Variants in CAMK1G observed in about 807,000 individuals in gnomAD.
CAMK1G encodes calcium/calmodulin-dependent protein kinase type 1G.
Under a neutral mutation model 54.8 loss-of-function variants are expected in CAMK1G, and 27 were observed. The observed-to-expected ratio is 0.49, with a 90% CI of 0.36 to 0.68. The LOEUF (loss-of-function observed/expected upper bound fraction) is 0.68, where lower values mean the gene tolerates loss of function less well. CAMK1G is among the 30% of genes least tolerant of loss of function. The pLI is 0.00. For synonymous variants in CAMK1G, 238 were observed against 224.9 expected (o/e 1.06, Z -0.52); for missense variants, 512 against 591.0 (o/e 0.87, Z 1.39).
Position 209,612,038 on chromosome 1 carries a change from T to TC in CAMK1G, c.1165dup (p.Leu389ProfsTer48). The TC allele has an allele frequency of 6.2e-7, 1 of 1,614,146 alleles. No individual in the cohort carries two copies. Among genetic ancestry groups the TC allele is most frequent in the Non-Finnish European group, 8.5e-7 (1 of 1,180,036 alleles). ...CCGGCCCACTGCCCCTGGTGGCAGGTCCCTCAACTGCCTGGTCAATGGCTC... is the reference window on the plus strand; with the variant it reads ...CCGGCCCACTGCCCCTGGTGGCAGGTCCCCTCAACTGCCTGGTCAATGGCTC... On this transcript the variant is annotated frameshift_variant, in exon 11 of 13. Coordinates refer to ENST00000361322, the MANE Select transcript of CAMK1G (RefSeq NM_020439.3). LOFTEE classifies it high-confidence loss of function.
rs1263146923 is a variant in CAMK1G, at chr1:209,594,833, C to T, written c.-29-122C>T. 5 of 608,478 alleles carry T rather than the reference C, an allele frequency of 8.2e-6. No individual in the cohort carries two copies. The South Asian group carries it at 1.1e-4, about 13-fold the overall frequency. The allele number at this position is 608,478 out of a possible 1,614,324, so 37.7% of individuals were successfully genotyped here. On this transcript the variant is annotated intron_variant, in intron 1 of 12. Coordinates refer to ENST00000361322, the MANE Select transcript of CAMK1G (RefSeq NM_020439.3). ...CTTTTTCCAGTTATCCAGGTTTGCT[C>T]CTAATCCTTCCTTCTGATAATTACA...
At chr1:209,589,712 G>A (rs1665197605) in intron 1 of CAMK1G, among the ~76,000 whole-genome samples, 1 of 152,118 alleles carries the variant, frequency 6.6e-6, no homozygotes, top group Non-Finnish European at 1.5e-5. Context: ...AGACTGGCCT[G>A]CATTCTTAGC....
intron 7 of CAMK1G, among the ~76,000 whole-genome samples, chr1:209,608,384 C>T (rs534991070): frequency 1.3e-5 from 2 of 152,292 alleles, no homozygotes; most frequent in South Asian, 2.1e-4. Context: ...TTCCTTTTCG[C>T]TCCTCTCCAC....
rs564514198 is a variant in CAMK1G, at chr1:209,606,530, C to T, written c.559+87C>T. ...TCATAGAAAGGGGTGATTCTGAGAA[C>T]ATAGGGTTCAACTTCAGGGGCTATC... On this transcript the variant is annotated intron_variant, in intron 6 of 12. Coordinates refer to ENST00000361322, the MANE Select transcript of CAMK1G (RefSeq NM_020439.3). 462 of 1,468,394 alleles carry T rather than the reference C, an allele frequency of 3.1e-4. 1 individual carries two copies. The African/African-American group carries it at 5.9e-3, about 19-fold the overall frequency. The allele number at this position is 1,468,394 out of a possible 1,614,324, so 91.0% of individuals were successfully genotyped here. A position where few individuals can be genotyped will look rare whatever the true frequency, so the allele number is the denominator to read the frequency against.
chr1:209,593,945 C>G (rs556923721), intron 1 of CAMK1G, among the ~76,000 whole-genome samples: 1 of 152,202 alleles, frequency 6.6e-6, no homozygotes, highest in African/African-American at 2.4e-5. Flanking sequence ...CACCACCCCC[C>G]ACCATACGGA....
chr1:209,584,460 G>A (rs945249481), intron 1 of CAMK1G, among the ~76,000 whole-genome samples: 1 of 152,012 alleles, frequency 6.6e-6, no homozygotes, highest in Non-Finnish European at 1.5e-5. Flanking sequence ...CCTTCCCCAG[G>A]GGCGCGTCTA....
At chr1:209,595,353 C>T (rs1358739799) in intron 2 of CAMK1G, among the ~76,000 whole-genome samples, 2 of 152,070 alleles carry the variant, frequency 1.3e-5, no homozygotes, top group African/African-American at 2.4e-5. Context: ...ACCCAGGAGG[C>T]GGAGGTTGCA....
intron 2 of CAMK1G, among the ~76,000 whole-genome samples, chr1:209,595,293 T>C (rs1402032055): frequency 6.6e-6 from 1 of 152,056 alleles, no homozygotes; most frequent in Non-Finnish European, 1.5e-5. Context: ...ATTTAATACA[T>C]TGGATGTAGT....
intron 9 of CAMK1G, among the ~76,000 whole-genome samples, chr1:209,610,666 G>T (rs1019626693): frequency 6.6e-6 from 1 of 152,114 alleles, no homozygotes; most frequent in African/African-American, 2.4e-5. Flanking sequence ...ATCAGTCTCT[G>T]CCCTTCCCTG....
chr1:209,592,201 G>A (rs951087196), intron 1 of CAMK1G, among the ~76,000 whole-genome samples: 3 of 151,870 alleles, frequency 2.0e-5, no homozygotes, highest in African/African-American at 7.3e-5. Context: ...ATTAATATTT[G>A]GCAGGCGTGT....
At chr1:209,606,973 G>C (rs1028850871) in intron 6 of CAMK1G, among the ~76,000 whole-genome samples, 1 of 152,160 alleles carries the variant, frequency 6.6e-6, no homozygotes, top group Admixed American at 6.5e-5. Flanking sequence ...GAACATCCCT[G>C]TAGGTTTCCA....
chr1:209,585,828 A>C (rs1378733687), intron 1 of CAMK1G, among the ~76,000 whole-genome samples: 1 of 152,366 alleles, frequency 6.6e-6, no homozygotes, highest in East Asian at 1.9e-4. Context: ...TGCCAGCGCC[A>C]GCGAGTGAAT....
intron 1 of CAMK1G, among the ~76,000 whole-genome samples, chr1:209,592,452 C>T (rs868069372): frequency 1.3e-5 from 2 of 152,034 alleles, no homozygotes; most frequent in African/African-American, 2.4e-5. Context: ...TGACATGAGC[C>T]GGCCCTGGGG....
At position 209,605,801 on chromosome 1, in the gene CAMK1G, C is replaced by T. The variant is rs575141655; in HGVS notation, c.435+127C>T. ...AGTGACTCCCAAGGCCCCTTCTGCC[C>T]TTAGATTCCTTAAACAGACCTTGGA... is the stretch of plus-strand genomic sequence containing the variant. On this transcript the variant is annotated intron_variant, in intron 5 of 12. Transcript: ENST00000361322. 130 of 861,530 alleles carry T rather than the reference C, an allele frequency of 1.5e-4. 2 individuals are homozygous for T. The South Asian group carries it at 2.7e-3, about 18-fold the overall frequency. 53.4% of individuals were successfully genotyped at this position (861,530 alleles called of 1,614,324 possible). A position where few individuals can be genotyped will look rare whatever the true frequency, so the allele number is the denominator to read the frequency against.
At chr1:209,595,470 C>G (rs189952119) in intron 2 of CAMK1G, among the ~76,000 whole-genome samples, 169 of 152,188 alleles carry the variant, frequency 1.1e-3, no homozygotes, top group African/African-American at 4.0e-3. Context: ...GTCCCTTTCC[C>G]CCAGGGTTTG....
chr1:209,593,420 G>A (rs1665305116), intron 1 of CAMK1G, among the ~76,000 whole-genome samples: 1 of 152,186 alleles, frequency 6.6e-6, no homozygotes, highest in Non-Finnish European at 1.5e-5. Flanking sequence ...CAGAAATGGT[G>A]TCTCACTCAT....
chr1:209,604,819 G>A (rs1322578592), intron 4 of CAMK1G, among the ~76,000 whole-genome samples: 1 of 152,068 alleles, frequency 6.6e-6, no homozygotes, highest in Non-Finnish European at 1.5e-5. Context: ...AAATGACAGG[G>A]CATCAGGTTT....
intron 2 of CAMK1G, among the ~76,000 whole-genome samples, chr1:209,597,242 G>A (rs951313982): frequency 6.6e-6 from 1 of 152,222 alleles, no homozygotes; most frequent in Non-Finnish European, 1.5e-5. Context: ...GAACATGTAT[G>A]ATGGCTTCAA....
intron 1 of CAMK1G, among the ~76,000 whole-genome samples, chr1:209,593,068 C>T (rs1223041671): frequency 6.6e-6 from 1 of 152,216 alleles, no homozygotes; most frequent in Non-Finnish European, 1.5e-5. Flanking sequence ...TTCATTTAAC[C>T]TTTACCATAT....
Sources: allele counts gnomAD v4.1 joint callset (sites outside exome capture counted in the v4.1 genomes callset), GRCh38; gene constraint gnomAD v4.1.1; transcripts MANE v1.5; gene names NCBI Gene and HGNC (gene_info 2026-07-23, HGNC 2026-07-21).